MYT1L: variants seen among roughly 807,000 people sequenced by gnomAD.
The protein encoded by MYT1L is myelin transcription factor 1-like protein.
Under a neutral mutation model 126.7 loss-of-function variants are expected in MYT1L, and 12 were observed. The ratio of observed to expected loss-of-function variants is 0.09; its 90% confidence interval spans 0.06 to 0.15. The LOEUF is 0.15. Among genes scored for constraint, MYT1L ranks in the 10% least tolerant of loss-of-function variants. The pLI is 1.00. For synonymous variants in MYT1L, 541 were observed against 604.2 expected (o/e 0.90, Z 1.53); for missense variants, 979 against 1,585.2 (o/e 0.62, Z 6.49).
intron 2 of MYT1L, among the ~76,000 whole-genome samples, chr2:2,257,064 C>A (rs563919207): frequency 6.6e-6 from 1 of 152,132 alleles, no homozygotes; most frequent in Non-Finnish European, 1.5e-5. Flanking sequence ...TGTGCCCCAC[C>A]CCCAGAGTTT....
At chr2:1,906,345 A>T (rs1164340379) in intron 13 of MYT1L, among the ~76,000 whole-genome samples, 1 of 152,196 alleles carries the variant, frequency 6.6e-6, no homozygotes, top group African/African-American at 2.4e-5. Context: ...ATCAATGAAT[A>T]TTATACTATT....
intron 2 of MYT1L, among the ~76,000 whole-genome samples, chr2:2,236,581 G>A (rs1236271942): frequency 2.2e-3 from 127 of 58,500 alleles, no homozygotes; most frequent in African/African-American, 8.0e-3. Context: ...TCACAACCCA[G>A]CCCAGCACAT....
At chr2:2,320,749 C>G (rs184567004) in intron 1 of MYT1L, among the ~76,000 whole-genome samples, 76 of 152,290 alleles carry the variant, frequency 5.0e-4, no homozygotes, top group African/African-American at 1.8e-3. Context: ...TTTCCAAGTA[C>G]AAGTGGTCTC....
At position 2,027,006 on chromosome 2, in the gene MYT1L, C is replaced by T. The variant is rs113994263; in HGVS notation, c.-158+26972G>A. Among the ~76,000 whole-genome samples, 1,043 of 152,290 alleles carry T rather than the reference C, an allele frequency of 6.8e-3. 6 individuals carry two copies. Among genetic ancestry groups the T allele is most frequent in the South Asian group, 0.029 (142 of 4,822 alleles). ...CCAAGTGACGCCCAGAGAAGGGCAG[C>T]GTCCAGGCGGGGGCACATCGGATCG... On this transcript the variant is annotated intron_variant, in intron 4 of 24. Coordinates refer to ENST00000647738, the MANE Select transcript of MYT1L (RefSeq NM_001303052.2).
In MYT1L at chr2:1,934,014, G is replaced by A. The variant is rs548035276; in HGVS notation, c.505+8968C>T. ...TTTTGAGATGGAGTCTTGCTCTGTCGCCCAGGCTGGAGTGCAGTGGTGCGA... is the reference window on the plus strand; with the variant it reads ...TTTTGAGATGGAGTCTTGCTCTGTCACCCAGGCTGGAGTGCAGTGGTGCGA... On this transcript the variant is annotated intron_variant, in intron 9 of 24. Coordinates refer to ENST00000647738, the MANE Select transcript of MYT1L (RefSeq NM_001303052.2). Among the ~76,000 whole-genome samples the A allele has an allele frequency of 4.2e-4, 54 of 130,008 alleles. 3 individuals carry two copies. In the South Asian group the frequency reaches 0.011, roughly 27 times the overall value. 85.3% of individuals were successfully genotyped at this position (130,008 alleles called of 152,430 possible).
intron 2 of MYT1L, among the ~76,000 whole-genome samples, chr2:2,240,756 C>A (rs1257113876): frequency 6.6e-6 from 1 of 152,198 alleles, no homozygotes; most frequent in Non-Finnish European, 1.5e-5. Context: ...AGGTAAAACA[C>A]GGTGTCACTC....
intron 2 of MYT1L, among the ~76,000 whole-genome samples, chr2:2,275,577 A>G (rs1376515478): frequency 6.6e-6 from 1 of 152,176 alleles, no homozygotes; most frequent in East Asian, 1.9e-4. Context: ...AGCTCAGGCC[A>G]GTGTGCTGCA....
chr2:2,048,784 G>T (rs1315902933), intron 4 of MYT1L, among the ~76,000 whole-genome samples: 1 of 152,074 alleles, frequency 6.6e-6, no homozygotes, highest in Non-Finnish European at 1.5e-5. Flanking sequence ...CTGACTTCAG[G>T]TAATTGTCCT....
chr2:2,228,164 T>A lies in MYT1L; in HGVS notation c.-420-55176A>T, dbSNP rs1416885781. Among the ~76,000 whole-genome samples, 3 of 152,216 alleles carry A rather than the reference T, an allele frequency of 2.0e-5. No homozygotes were observed. The East Asian group carries it at 5.8e-4, about 29-fold the overall frequency. ...ATCATCACTATCATCAGTATAATCATTACCTACATAAAAGACAGGGCAAGG... is the reference window on the plus strand; with the variant it reads ...ATCATCACTATCATCAGTATAATCAATACCTACATAAAAGACAGGGCAAGG... On this transcript the variant is annotated intron_variant, in intron 2 of 24. Coordinates refer to ENST00000647738, the MANE Select transcript of MYT1L (RefSeq NM_001303052.2). This position sits in a 1 kb window ranked among gnomAD's most constrained non-coding sequence, Gnocchi z 5.9.
intron 2 of MYT1L, among the ~76,000 whole-genome samples, chr2:2,184,152 G>C (rs1434288593): frequency 1.3e-5 from 2 of 152,154 alleles, no homozygotes; most frequent in Admixed American, 6.5e-5. Context: ...TGCTGAGGCT[G>C]TTCACAATTT....
chr2:1,888,392 A>G (rs1558283448), intron 16 of MYT1L, among the ~76,000 whole-genome samples: 1 of 152,242 alleles, frequency 6.6e-6, no homozygotes, highest in Non-Finnish European at 1.5e-5. Context: ...ATGCCTGGAT[A>G]TTGAAATCAA....
intron 2 of MYT1L, among the ~76,000 whole-genome samples, chr2:2,282,033 T>C (rs1041527981): frequency 6.6e-6 from 1 of 152,164 alleles, no homozygotes; most frequent in Admixed American, 6.5e-5. Flanking sequence ...TTCTCAGAGT[T>C]ACACATCAGA....
At chr2:2,068,365 G>A (rs1445672068) in intron 3 of MYT1L, among the ~76,000 whole-genome samples, 1 of 152,138 alleles carries the variant, frequency 6.6e-6, no homozygotes, top group African/African-American at 2.4e-5. Flanking sequence ...ACTGGGATGA[G>A]GTCACAGAGC....
chr2:2,316,068 C>T (rs1419725628), intron 1 of MYT1L, among the ~76,000 whole-genome samples: 1 of 152,116 alleles, frequency 6.6e-6, no homozygotes, highest in Non-Finnish European at 1.5e-5. Flanking sequence ...GTGGAGCCTC[C>T]TTGGTAATAG....
rs935383902 is a variant in MYT1L at position 1,893,834 on chromosome 2, G to A, written c.2033-1547C>T. On this transcript the variant is annotated intron_variant, in intron 14 of 24. Coordinates refer to ENST00000647738, the MANE Select transcript of MYT1L (RefSeq NM_001303052.2). ...AAAAAGAAGGAGTCCTCATTGACAA[G>A]GTTTGGTTTGGGACTGAAGGCTCTC... 2.6e-5 allele frequency among the ~76,000 whole-genome samples: 4 copies of A among 152,308 alleles called. No homozygotes were observed. In the East Asian group the frequency reaches 7.7e-4, roughly 29 times the overall value.
chr2:1,901,299 C>T (rs1323446470), intron 14 of MYT1L, among the ~76,000 whole-genome samples: 1 of 152,182 alleles, frequency 6.6e-6, no homozygotes, highest in Non-Finnish European at 1.5e-5. Flanking sequence ...ACATGAACAT[C>T]TAGTGAAAGA....
At position 1,910,108 on chromosome 2, in the gene MYT1L, C is replaced by T; in HGVS notation, c.1817+132G>A. 1 of 802,226 alleles carries T rather than the reference C, an allele frequency of 1.2e-6. No homozygotes were observed. Among genetic ancestry groups the T allele is most frequent in the Non-Finnish European group, 2.0e-6 (1 of 504,604 alleles). 49.7% of individuals were successfully genotyped at this position (802,226 alleles called of 1,614,324 possible). On this transcript the variant is annotated intron_variant, in intron 13 of 24. Transcript: ENST00000647738. The surrounding 1 kb of genome is among the most constrained non-coding windows in gnomAD (Gnocchi z 4.8). ...GAGTGAGGGGTCCTGGCCCCGGCTT[C>T]CAGCACAGCCCCGCCCTCCAGTCCC...
At chr2:2,031,034 T>G (rs554236414) in intron 4 of MYT1L, among the ~76,000 whole-genome samples, 1 of 152,248 alleles carries the variant, frequency 6.6e-6, no homozygotes, top group South Asian at 2.1e-4. Context: ...TCTGAAATTA[T>G]GCACCCTTCA....
chr2:1,920,566 A>T (rs1050656543), intron 10 of MYT1L, among the ~76,000 whole-genome samples: 2 of 152,184 alleles, frequency 1.3e-5, no homozygotes, highest in African/African-American at 4.8e-5. Context: ...CCCAAACTCC[A>T]TCCTCAGATC....
Sources: gnomAD v4.1 joint callset for allele counts (sites outside exome capture counted in the v4.1 genomes callset) on GRCh38, gnomAD v4.1.1 for gene constraint, Gnocchi (gnomAD v3.1) non-coding constraint, MANE v1.5 for transcripts, NCBI Gene and HGNC (gene_info 2026-07-23, HGNC 2026-07-21) for gene names.